SEMA6D: variants seen among roughly 807,000 people sequenced by gnomAD.
SEMA6D encodes semaphorin-6D.
In SEMA6D, 35 loss-of-function variants were observed where a neutral mutation model predicts 106.6. The observed-to-expected ratio is 0.33, with a 90% CI of 0.25 to 0.44. SEMA6D has a LOEUF of 0.44. Ranked by LOEUF, SEMA6D falls within the 20% of genes least tolerant of loss-of-function variation. The pLI, the probability that SEMA6D is intolerant of heterozygous loss-of-function variation, is 1.00. For synonymous variants in SEMA6D, 499 were observed against 487.7 expected, an observed-to-expected ratio of 1.02 and a Z score of -0.31; for missense variants, 1,185 against 1,345.9, an observed-to-expected ratio of 0.88 and a Z score of 1.87.
chr15:47,402,984 A>G (rs2040446707), intron 1 of SEMA6D, among the ~76,000 whole-genome samples: 1 of 152,146 alleles, frequency 6.6e-6, no homozygotes, highest in Admixed American at 6.5e-5. Context: ...ACATGCAGGA[A>G]CAGAATCCTG....
At chr15:47,676,499 A>G (rs1053737964) in intron 4 of SEMA6D, among the ~76,000 whole-genome samples, 2 of 152,236 alleles carry the variant, frequency 1.3e-5, no homozygotes, top group Admixed American at 6.5e-5. Context: ...GACTACCCCT[A>G]GAAGCAAAGG....
At chr15:47,426,602 A>G (rs1292212827) in intron 2 of SEMA6D, among the ~76,000 whole-genome samples, 1 of 152,130 alleles carries the variant, frequency 6.6e-6, no homozygotes, top group African/African-American at 2.4e-5. Flanking sequence ...ACAGAAGGAA[A>G]GATTTGAAGA....
At chr15:47,432,829 G>C (rs1272602989) in intron 2 of SEMA6D, among the ~76,000 whole-genome samples, 3 of 152,108 alleles carry the variant, frequency 2.0e-5, no homozygotes, top group Admixed American at 1.3e-4. Context: ...ATGATTAAAT[G>C]TATGTCATTT....
In SEMA6D at chr15:47,770,499, G is replaced by T; in HGVS notation, c.1936G>T (p.Val646Leu). ...ATTGTCCCATGTGTCTATTTCAGGT[G>T]TACGATGGGAAGTCCAGTCTGGAGA... ...TDPLSGIPKGVRWEVQSGESN... is the reference protein window; with the variant it reads ...TDPLSGIPKGLRWEVQSGESN... The change falls in exon 19 of 19, where the codon GTA (valine) becomes TTA (leucine). Residue 646 changes from valine (V) to leucine (L), a missense_variant and splice_region_variant. By Grantham distance (32) the Val-to-Leu change is conservative (BLOSUM62 1). Coordinates refer to ENST00000536845, the MANE Select transcript of SEMA6D (RefSeq NM_001358351.3). 1 of 1,583,492 alleles carries T rather than the reference G, an allele frequency of 6.3e-7. No individual in the cohort carries two copies.
intron 4 of SEMA6D, among the ~76,000 whole-genome samples, chr15:47,687,193 T>G (rs2078488992): frequency 6.6e-6 from 1 of 152,140 alleles, no homozygotes; most frequent in South Asian, 2.1e-4. Flanking sequence ...CTCCTGGACT[T>G]TCTTCTTGCC....
chr15:47,194,777 TACAG>T (rs1377417289), intron 1 of SEMA6D, among the ~76,000 whole-genome samples: 1 of 152,196 alleles, frequency 6.6e-6, no homozygotes, highest in East Asian at 1.9e-4. Flanking sequence ...TATCTATCTT[TACAG>T]ACAAACTTTT....
At chr15:47,730,288 C>T in intron 1 of SEMA6D, 1 of 1,533,620 alleles carries the variant, frequency 6.5e-7, no homozygotes, top group Admixed American at 1.7e-5. Context: ...TAGCTTCCAC[C>T]AGCTTAGCCA....
intron 1 of SEMA6D, among the ~76,000 whole-genome samples, chr15:47,744,852 C>T (rs1432622163): frequency 1.3e-5 from 2 of 152,086 alleles, no homozygotes; most frequent in Non-Finnish European, 2.9e-5. Flanking sequence ...AGTGAAGAAC[C>T]TTTTTCAATG....
chr15:47,695,510 GC>G (rs1418158893), intron 4 of SEMA6D, among the ~76,000 whole-genome samples: 1 of 151,636 alleles, frequency 6.6e-6, no homozygotes, highest in African/African-American at 2.4e-5. Context: ...ACACACACAC[GC>G]ATAGACACAC....
chr15:47,194,770 C>G (rs1298165106), intron 1 of SEMA6D, among the ~76,000 whole-genome samples: 1 of 152,130 alleles, frequency 6.6e-6, no homozygotes, highest in Non-Finnish European at 1.5e-5. Context: ...GTGAGTGTAT[C>G]TATCTTTACA....
At chr15:47,388,564 C>A (rs1326377231) in intron 1 of SEMA6D, among the ~76,000 whole-genome samples, 2 of 151,984 alleles carry the variant, frequency 1.3e-5, no homozygotes, top group Admixed American at 1.3e-4. Context: ...GCTGTCTGGC[C>A]ATCAGATCAA....
intron 1 of SEMA6D, among the ~76,000 whole-genome samples, chr15:47,748,420 T>C (rs747561291): frequency 6.6e-6 from 1 of 152,188 alleles, no homozygotes; most frequent in African/African-American, 2.4e-5. Flanking sequence ...AAGAGGAAAA[T>C]GATCCTTTGA....
intron 3 of SEMA6D, among the ~76,000 whole-genome samples, chr15:47,566,148 G>A (rs190703105): frequency 5.9e-5 from 9 of 152,320 alleles, no homozygotes; most frequent in Non-Finnish European, 1.0e-4. Context: ...AGCGGCAGAT[G>A]TCTGGATGAG....
chr15:47,388,017 T>G (rs1220900101), intron 1 of SEMA6D, among the ~76,000 whole-genome samples: 1 of 152,192 alleles, frequency 6.6e-6, no homozygotes, highest in East Asian at 1.9e-4. Flanking sequence ...TTTTAAGGAT[T>G]ATTATTTTTA....
chr15:47,746,970 CTG>C (rs769358318), intron 1 of SEMA6D, among the ~76,000 whole-genome samples: 8 of 130,470 alleles, frequency 6.1e-5, no homozygotes, highest in Middle Eastern at 3.9e-3. Context: ...CAGTCTCCTG[CTG>C]TGTGTGTGTG....
chr15:47,442,346 A>C (rs1204102006), intron 2 of SEMA6D, among the ~76,000 whole-genome samples: 1 of 152,110 alleles, frequency 6.6e-6, no homozygotes, highest in Non-Finnish European at 1.5e-5. Context: ...TCCATGATGT[A>C]CAGAAAGGGG....
At position 47,411,214 on chromosome 15, in the gene SEMA6D, G is replaced by A. The variant is rs555515047; in HGVS notation, c.-238-1179G>A. On this transcript the variant is annotated intron_variant, in intron 1 of 19. Transcript: ENST00000558014. ...GGGTTCAAGCGATTCTCTTGCCTCAGCCTCTGAAGTAGCTGGGACTACAGG... is the reference window on the plus strand; with the variant it reads ...GGGTTCAAGCGATTCTCTTGCCTCAACCTCTGAAGTAGCTGGGACTACAGG... Among the ~76,000 whole-genome samples, 282 of 152,136 alleles carry A rather than the reference G, an allele frequency of 1.9e-3. 2 individuals carry two copies. Among genetic ancestry groups the A allele is most frequent in the Non-Finnish European group, 3.1e-3 (208 of 68,014 alleles).
chr15:47,653,265 A>C (rs1292645753), intron 4 of SEMA6D, among the ~76,000 whole-genome samples: 2 of 152,236 alleles, frequency 1.3e-5, no homozygotes, highest in East Asian at 1.9e-4. Context: ...AGCTATTCGC[A>C]TGTAAGCATG....
intron 3 of SEMA6D, among the ~76,000 whole-genome samples, chr15:47,558,973 G>T (rs2045996136): frequency 6.6e-6 from 1 of 152,004 alleles, no homozygotes; most frequent in South Asian, 2.1e-4. Flanking sequence ...GTTTGAAAGG[G>T]AAAAGATACA....
Sources: allele counts gnomAD v4.1 joint callset (sites outside exome capture counted in the v4.1 genomes callset), GRCh38; gene constraint gnomAD v4.1.1; transcripts MANE v1.5; gene names NCBI Gene and HGNC (gene_info 2026-07-23, HGNC 2026-07-21).